The following SHC3 variants were observed in gnomAD, a reference collection of about 807,000 sequenced individuals.
SHC3 encodes SHC adaptor protein 3, also known as SHC-transforming protein 3.
Under a neutral mutation model 60.4 loss-of-function variants are expected in SHC3, and 15 were observed. That is an observed-to-expected ratio of 0.25 (90% CI 0.17 to 0.38). The LOEUF (loss-of-function observed/expected upper bound fraction) is 0.38, where lower values mean the gene tolerates loss of function less well. Among genes scored for constraint, SHC3 ranks in the 10% least tolerant of loss-of-function variants. The pLI is 1.00. For missense variants in SHC3, 677 were observed against 786.1 expected, an observed-to-expected ratio of 0.86 and a Z score of 1.66; for synonymous variants, 294 against 325.9, an observed-to-expected ratio of 0.90 and a Z score of 1.05.
intron 6 of SHC3, among the ~76,000 whole-genome samples, chr9:89,055,247 C>T (rs750006757): frequency 6.6e-6 from 1 of 152,260 alleles, no homozygotes; most frequent in African/African-American, 2.4e-5. Context: ...GCTTCCTCCT[C>T]TCCCCAAATA....
At chr9:89,136,248 C>T (rs1290071455) in intron 1 of SHC3, among the ~76,000 whole-genome samples, 1 of 152,134 alleles carries the variant, frequency 6.6e-6, no homozygotes, top group African/African-American at 2.4e-5. Flanking sequence ...GGCATTTGAA[C>T]CAGATCAACT....
At chr9:89,013,890 C>T (rs1826051406) in intron 11 of SHC3, among the ~76,000 whole-genome samples, 1 of 152,230 alleles carries the variant, frequency 6.6e-6, no homozygotes, top group African/African-American at 2.4e-5. Flanking sequence ...AAGGTCACCT[C>T]ACCTGTCTCT....
At position 89,112,571 on chromosome 9, in the gene SHC3, C is replaced by T. The variant is rs1198893461; in HGVS notation, c.530G>A (p.Arg177Lys). The T allele has an allele frequency of 6.2e-7, 1 of 1,602,668 alleles. No homozygotes were observed. Among genetic ancestry groups the T allele is most frequent in the Admixed American group, 1.7e-5 (1 of 57,648 alleles). ...GAGGGCTTACCTGGTAATTTGTGTT[C>T]TTGTACTGAAGTCAAGAGACCTCAT... is the stretch of plus-strand genomic sequence containing the variant. ...RSMRSLDFST[R>K]TQITREAISR... The change falls in exon 2 of 12, where the codon AGA (arginine) becomes AAA (lysine). Residue 177 changes from arginine to lysine, a missense_variant. Coordinates refer to ENST00000375835, the MANE Select transcript of SHC3 (RefSeq NM_016848.6).
chr9:89,149,839 A>C (rs959693555), intron 1 of SHC3, among the ~76,000 whole-genome samples: 7 of 152,194 alleles, frequency 4.6e-5, no homozygotes, highest in African/African-American at 1.7e-4. Context: ...ACAATTAATA[A>C]GTCTTCCGTT....
chr9:89,080,905 T>C (rs1004006439), intron 2 of SHC3, among the ~76,000 whole-genome samples: 22 of 151,864 alleles, frequency 1.4e-4, no homozygotes, highest in African/African-American at 5.3e-4. Flanking sequence ...TAGCTGGGAC[T>C]GCAGGCGCCG....
intron 2 of SHC3, chr9:89,109,170 C>T: frequency 1.0e-6 from 1 of 964,398 alleles, no homozygotes; most frequent in Non-Finnish European, 1.2e-6. Flanking sequence ...TGCAGCCTGT[C>T]TTAATACTGC....
chr9:89,035,272 C>A (rs1408550697), intron 11 of SHC3, among the ~76,000 whole-genome samples: 1 of 152,190 alleles, frequency 6.6e-6, no homozygotes, highest in East Asian at 1.9e-4. Flanking sequence ...AATGTCTGTT[C>A]TTCTTCAAAT....
chr9:89,112,884 C>T (rs771889707), intron 1 of SHC3, among the ~76,000 whole-genome samples: 8 of 152,036 alleles, frequency 5.3e-5, no homozygotes, highest in Non-Finnish European at 7.4e-5. Flanking sequence ...TGGATGTACA[C>T]TTTTTAAAGT....
chr9:89,091,974 A>C (rs918908273), intron 2 of SHC3, among the ~76,000 whole-genome samples: 1 of 152,256 alleles, frequency 6.6e-6, no homozygotes, highest in African/African-American at 2.4e-5. Context: ...ATTCATAAGA[A>C]AGAAAATGAA....
At position 89,030,671 on chromosome 9, in the gene SHC3, T is replaced by A. The variant is rs183223006; in HGVS notation, c.1656+7322A>T. The stretch of plus-strand genomic sequence containing the variant: ...ACAGAACATCAAATTTTTCTAATTG[T>A]CTCAAGGATGTTCTTTTTATTACCT... On this transcript the variant is annotated intron_variant, in intron 11 of 11. Transcript: ENST00000375835. Among the ~76,000 whole-genome samples, 220 of 152,310 alleles carry A rather than the reference T, an allele frequency of 1.4e-3. 1 individual carries two copies. Among genetic ancestry groups the A allele is most frequent in the Non-Finnish European group, 2.6e-3 (179 of 68,020 alleles).
At chr9:89,099,681 C>G (rs534267640) in intron 2 of SHC3, among the ~76,000 whole-genome samples, 1 of 152,308 alleles carries the variant, frequency 6.6e-6, no homozygotes, top group East Asian at 1.9e-4. Context: ...ATGCCGAGGA[C>G]TGACAGCAAC....
rs3750396 is a variant in SHC3, at chr9:89,007,262, G to A, written c.*6185C>T. The A allele has an allele frequency of 0.59, 89,470 of 152,160 alleles. 27,859 individuals carry two copies. The highest frequency in any genetic ancestry group is 0.79 in the African/African-American group (32,829 of 41,500). The allele number at this position is 152,160 out of a possible 1,614,324, so 9.4% of individuals were successfully genotyped here. The stretch of plus-strand genomic sequence containing the variant: ...TCCTGAGCCTTCCACACTCTTCTCC[G>A]TGCCACTAACACTCAGTATCTGACG... On this transcript the variant is annotated 3_prime_UTR_variant, in exon 12 of 12. Coordinates refer to ENST00000375835, the MANE Select transcript of SHC3 (RefSeq NM_016848.6).
chr9:89,164,474 T>C (rs747651723), intron 1 of SHC3, among the ~76,000 whole-genome samples: 3 of 151,914 alleles, frequency 2.0e-5, no homozygotes, highest in African/African-American at 4.8e-5. Context: ...CTCCATATGG[T>C]TGGAGTATCG....
At chr9:89,067,315 A>T (rs1309262945) in intron 5 of SHC3, among the ~76,000 whole-genome samples, 1 of 152,234 alleles carries the variant, frequency 6.6e-6, no homozygotes, top group Non-Finnish European at 1.5e-5. Context: ...GCTGAAATTC[A>T]TAGAACCCTA....
chr9:89,026,254 C>CAAAAA (rs67891062), intron 11 of SHC3, among the ~76,000 whole-genome samples: 1 of 102,152 alleles, frequency 9.8e-6, no homozygotes, highest in Non-Finnish European at 1.9e-5. Flanking sequence ...AACTACATCT[C>CAAAAA]AAAAAAAAAA....
chr9:89,082,164 C>T (rs760745631), intron 2 of SHC3, among the ~76,000 whole-genome samples: 1 of 152,148 alleles, frequency 6.6e-6, no homozygotes, highest in East Asian at 1.9e-4. Context: ...CCACCCAACC[C>T]CTCTCCTCTC....
intron 2 of SHC3, chr9:89,110,149 T>C (rs1325013007): frequency 7.1e-6 from 7 of 985,434 alleles, no homozygotes; most frequent in Non-Finnish European, 7.2e-6. Context: ...ACTAAGAAGA[T>C]TTTATACATA....
chr9:89,154,286 T>C (rs1272822596), intron 1 of SHC3, among the ~76,000 whole-genome samples: 1 of 152,200 alleles, frequency 6.6e-6, no homozygotes, highest in Non-Finnish European at 1.5e-5. Context: ...TCTTCCAATG[T>C]GGCCCAGGGA....
chr9:89,136,607 T>A (rs922011852), intron 1 of SHC3, among the ~76,000 whole-genome samples: 1 of 152,136 alleles, frequency 6.6e-6, no homozygotes, highest in African/African-American at 2.4e-5. Flanking sequence ...GAATAATCTA[T>A]GCCTTGTTTA....
Sources: gnomAD v4.1 joint callset for allele counts (sites outside exome capture counted in the v4.1 genomes callset) on GRCh38, gnomAD v4.1.1 for gene constraint, MANE v1.5 for transcripts, NCBI Gene and HGNC (gene_info 2026-07-23, HGNC 2026-07-21) for gene names.